Variants in FNDC3B observed in about 807,000 individuals in gnomAD.
FNDC3B encodes fibronectin type III domain-containing protein 3B.
FNDC3B carries 12 observed loss-of-function variants against 151.5 expected under a neutral mutation model. The ratio of observed to expected loss-of-function variants is 0.08; its 90% confidence interval spans 0.05 to 0.13. The LOEUF is 0.13. Among genes scored for constraint, FNDC3B ranks in the 10% least tolerant of loss-of-function variants. The probability of loss-of-function intolerance (pLI) is 1.00; values close to 1 mark genes in which losing one functional copy is unlikely to be tolerated. For missense variants in FNDC3B, 1,214 were observed against 1,505.3 expected (o/e 0.81, Z 3.20); for synonymous variants, 528 against 549.0 (o/e 0.96, Z 0.54).
intron 25 of FNDC3B, among the ~76,000 whole-genome samples, chr3:172,396,180 G>A (rs1387415854): frequency 6.6e-6 from 1 of 152,126 alleles, no homozygotes; most frequent in South Asian, 2.1e-4. Flanking sequence ...AGGAATTAAG[G>A]TATAGTTATA....
chr3:172,312,658 A>G (rs995053482), intron 11 of FNDC3B, among the ~76,000 whole-genome samples: 3 of 151,882 alleles, frequency 2.0e-5, no homozygotes, highest in Non-Finnish European at 2.9e-5. Context: ...GTGCATGCAC[A>G]CACTCGTGCA....
At chr3:172,394,613 AC>A (rs1052523853) in intron 25 of FNDC3B, among the ~76,000 whole-genome samples, 1 of 151,840 alleles carries the variant, frequency 6.6e-6, no homozygotes, top group Admixed American at 6.6e-5. Flanking sequence ...ATCAAAGAAA[AC>A]CCTAGGGCCT....
intron 21 of FNDC3B, among the ~76,000 whole-genome samples, chr3:172,350,965 C>T (rs1234197830): frequency 6.6e-6 from 1 of 152,206 alleles, no homozygotes; most frequent in African/African-American, 2.4e-5. Flanking sequence ...TGTAAGAAAG[C>T]TGCCAAATGT....
At chr3:172,324,103 C>T (rs1052344947) in intron 11 of FNDC3B, among the ~76,000 whole-genome samples, 11 of 152,024 alleles carry the variant, frequency 7.2e-5, no homozygotes, top group Admixed American at 5.9e-4. Flanking sequence ...GCACACTGGA[C>T]GGAACATAGA....
chr3:172,343,745 A>C (rs1733459344), intron 18 of FNDC3B, among the ~76,000 whole-genome samples: 1 of 152,172 alleles, frequency 6.6e-6, no homozygotes, highest in African/African-American at 2.4e-5. Context: ...ATTTAGCATG[A>C]CCTTTGGTTT....
intron 3 of FNDC3B, among the ~76,000 whole-genome samples, chr3:172,156,479 C>T (rs574520348): frequency 8.5e-5 from 13 of 152,314 alleles, no homozygotes; most frequent in African/African-American, 1.4e-4. Flanking sequence ...GGCTGGCAGC[C>T]GCTTTCACAT....
chr3:172,283,993 C>T (rs767751342), intron 6 of FNDC3B, among the ~76,000 whole-genome samples: 4 of 152,086 alleles, frequency 2.6e-5, no homozygotes, highest in Non-Finnish European at 4.4e-5. Flanking sequence ...AAAGGTAGCA[C>T]GTCCTACTAA....
chr3:172,236,330 T>C (rs913379041), intron 4 of FNDC3B, among the ~76,000 whole-genome samples: 3 of 152,124 alleles, frequency 2.0e-5, no homozygotes, highest in African/African-American at 7.2e-5. Flanking sequence ...TGGGTATGAA[T>C]CTTGTCACCC....
intron 14 of FNDC3B, 53 bp downstream of exon 14, chr3:172,333,228 T>A (rs2108292321): frequency 8.9e-7 from 1 of 1,127,318 alleles, no homozygotes; most frequent in South Asian, 1.2e-5. Context: ...CTGTTTTCTA[T>A]TTCACCATTT....
intron 11 of FNDC3B, among the ~76,000 whole-genome samples, chr3:172,320,595 TTGAAAATATCAGCCAGCTTCATC>T (rs1399445342): frequency 6.6e-6 from 1 of 152,192 alleles, no homozygotes; most frequent in African/African-American, 2.4e-5. Flanking sequence ...TTAAAAGCAG[TTGAAAATATCAGCCAGCTTCATC>T]TGTTAGTGCC....
intron 7 of FNDC3B, among the ~76,000 whole-genome samples, chr3:172,292,994 A>G (rs1342969611): frequency 6.6e-6 from 1 of 152,150 alleles, no homozygotes; most frequent in Non-Finnish European, 1.5e-5. Flanking sequence ...CGGTACAGGA[A>G]CCTGTCCAGA....
intron 2 of FNDC3B, among the ~76,000 whole-genome samples, chr3:172,132,122 C>G (rs1721135427): frequency 6.6e-6 from 1 of 151,994 alleles, no homozygotes; most frequent in East Asian, 1.9e-4. Flanking sequence ...CTTGACCTGT[C>G]CTGGGAGTCA....
chr3:172,095,381 C>CAA (rs982452791), intron 1 of FNDC3B, among the ~76,000 whole-genome samples: 3 of 152,198 alleles, frequency 2.0e-5, no homozygotes, highest in Non-Finnish European at 4.4e-5. Context: ...CTAGGAGATT[C>CAA]ACAGTCCCCA....
rs1715979119 is a variant in FNDC3B, at chr3:172,040,527, G to A, written c.-29+756G>A. 1 of 151,992 alleles carries A rather than the reference G, an allele frequency of 6.6e-6. No individual in the cohort carries two copies. The highest frequency in any genetic ancestry group is 1.5e-5 in the Non-Finnish European group (1 of 68,082). 9.4% of individuals were successfully genotyped at this position (151,992 alleles called of 1,614,324 possible). ...GCTGGGGGCGGTAACCGGCGGCCGC[G>A]GCCGGACTTGGCGAGCCGGCGGCTG... On this transcript the variant is annotated intron_variant, in intron 1 of 25. Transcript: ENST00000415807. The surrounding 1 kb of genome is among the most constrained non-coding windows in gnomAD (Gnocchi z 6.6).
intron 1 of FNDC3B, among the ~76,000 whole-genome samples, chr3:172,049,969 T>C (rs1716561490): frequency 6.6e-6 from 1 of 152,252 alleles, no homozygotes; most frequent in East Asian, 1.9e-4. Flanking sequence ...TTCCTTAGAC[T>C]GTAAAACCAA....
chr3:172,190,258 G>T (rs1364508320), intron 3 of FNDC3B, among the ~76,000 whole-genome samples: 1 of 152,176 alleles, frequency 6.6e-6, no homozygotes, highest in Non-Finnish European at 1.5e-5. Context: ...CTATGGGAAT[G>T]GTAGCAAGTC....
At chr3:172,294,638 C>A (rs772879442) in intron 7 of FNDC3B, among the ~76,000 whole-genome samples, 1 of 152,164 alleles carries the variant, frequency 6.6e-6, no homozygotes, top group Non-Finnish European at 1.5e-5. Context: ...GAAGCCCATG[C>A]GGGGGTCTAT....
chr3:172,318,407 G>A lies in FNDC3B; in HGVS notation c.1254+7526G>A, dbSNP rs115545359. On this transcript the variant is annotated intron_variant, in intron 11 of 25. Transcript: ENST00000415807. ...GGAGCCTTGTTTAGGGATTGAGTTGGCCCCGTAGAAGATAATCAGTAAGAG... is the reference window on the plus strand; with the variant it reads ...GGAGCCTTGTTTAGGGATTGAGTTGACCCCGTAGAAGATAATCAGTAAGAG... Among the ~76,000 whole-genome samples, 517 of 152,314 alleles carry A rather than the reference G, an allele frequency of 3.4e-3. 1 individual carries two copies. The highest frequency in any genetic ancestry group is 5.2e-3 in the Non-Finnish European group (357 of 68,040).
intron 25 of FNDC3B, among the ~76,000 whole-genome samples, chr3:172,384,239 A>T (rs1296034344): frequency 1.3e-5 from 2 of 152,250 alleles, no homozygotes; most frequent in African/African-American, 4.8e-5. Context: ...TATGACATCT[A>T]CCAGTGTCGA....
Sources: allele counts gnomAD v4.1 joint callset (sites outside exome capture counted in the v4.1 genomes callset), GRCh38; gene constraint gnomAD v4.1.1; non-coding constraint Gnocchi (gnomAD v3.1); transcripts MANE v1.5; gene names NCBI Gene and HGNC (gene_info 2026-07-23, HGNC 2026-07-21).